The following ABLIM1 variants were observed in gnomAD, a reference collection of about 807,000 sequenced individuals.
ABLIM1 encodes the protein actin-binding LIM protein 1.
In ABLIM1, 40 loss-of-function variants were observed where a neutral mutation model predicts 107.0. The observed-to-expected ratio is 0.37, with a 90% CI of 0.29 to 0.49. The LOEUF (loss-of-function observed/expected upper bound fraction) is 0.49, where lower values mean the gene tolerates loss of function less well. Ranked by LOEUF, ABLIM1 falls within the 20% of genes least tolerant of loss-of-function variation. The pLI is 0.97. For missense variants in ABLIM1, 857 were observed against 1,008.5 expected, an observed-to-expected ratio of 0.85 and a Z score of 2.04; for synonymous variants, 357 against 357.3, an observed-to-expected ratio of 1.00 and a Z score of 0.01.
intron 1 of ABLIM1, among the ~76,000 whole-genome samples, chr10:114,611,984 G>C (rs1229059826): frequency 6.6e-6 from 1 of 152,128 alleles, no homozygotes; most frequent in East Asian, 1.9e-4. Flanking sequence ...TCCCAGTCCT[G>C]CCTTTCCTGA....
chr10:114,762,816 C>T (rs2082779445), intron 1 of ABLIM1, among the ~76,000 whole-genome samples: 1 of 152,188 alleles, frequency 6.6e-6, no homozygotes, highest in South Asian at 2.1e-4. Flanking sequence ...TGTATCATGG[C>T]CATCCCTCCA....
At chr10:114,715,464 A>C (rs560029635) in intron 1 of ABLIM1, among the ~76,000 whole-genome samples, 3 of 152,324 alleles carry the variant, frequency 2.0e-5, no homozygotes, top group African/African-American at 4.8e-5. Flanking sequence ...AAACCAAACA[A>C]AAACAAATTA....
chr10:114,786,666 G>T, the ABLIM1 span, among the ~76,000 whole-genome samples: 1 of 152,202 alleles, frequency 6.6e-6, no homozygotes, highest in African/African-American at 2.4e-5. Context: ...CACTGACCAT[G>T]TATCATCATC....
intron 4 of ABLIM1, among the ~76,000 whole-genome samples, chr10:114,555,471 T>A (rs2068607552): frequency 6.6e-6 from 1 of 152,202 alleles, no homozygotes; most frequent in African/African-American, 2.4e-5. Context: ...GCTCTCACTT[T>A]AAATCTCCGA....
At chr10:114,718,142 GAA>G (rs371409966) in intron 1 of ABLIM1, among the ~76,000 whole-genome samples, 3 of 62,252 alleles carry the variant, frequency 4.8e-5, no homozygotes, top group Non-Finnish European at 1.6e-4. Context: ...AAGAAAGAAA[GAA>G]AGAGAAAAAA....
At chr10:114,560,906 G>A (rs961433099) in intron 4 of ABLIM1, among the ~76,000 whole-genome samples, 1 of 152,152 alleles carries the variant, frequency 6.6e-6, no homozygotes, top group Admixed American at 6.5e-5. Flanking sequence ...ACTGCCTAAT[G>A]GGTACAGGAA....
intron 6 of ABLIM1, among the ~76,000 whole-genome samples, chr10:114,506,013 C>T (rs1339585855): frequency 6.6e-6 from 1 of 152,202 alleles, no homozygotes; most frequent in Non-Finnish European, 1.5e-5. Flanking sequence ...CCCACTTCCC[C>T]TGTCACCATC....
rs567699486 is a variant in ABLIM1, at chr10:114,528,079, G to C, written c.894+16926C>G. ...TCTCGATCTCTTGACCTTGTGATCCGCCCGCCTCAGCCTCCCAAAGTGCTG... is the reference window on the plus strand; with the variant it reads ...TCTCGATCTCTTGACCTTGTGATCCCCCCGCCTCAGCCTCCCAAAGTGCTG... On this transcript the variant is annotated intron_variant, in intron 6 of 22. Transcript: ENST00000533213. Among the ~76,000 whole-genome samples, 1,058 of 151,740 alleles carry C rather than the reference G, an allele frequency of 7.0e-3. 13 individuals carry two copies. Among genetic ancestry groups the C allele is most frequent in the African/African-American group, 0.024 (1,008 of 41,364 alleles).
chr10:114,746,537 C>A (rs2082389595), intron 1 of ABLIM1, among the ~76,000 whole-genome samples: 1 of 152,190 alleles, frequency 6.6e-6, no homozygotes, highest in African/African-American at 2.4e-5. Context: ...AATAGTGCAG[C>A]AATGATCATG....
chr10:114,473,931 A>C lies in ABLIM1; in HGVS notation c.1067T>G (p.Ile356Ser), dbSNP rs1401371685. The stretch of plus-strand genomic sequence containing the variant: ...AATACTGGAGCCTGGCCTAGAATAA[A>C]TACTTTCCGAGGATGTCCTGGTAGG... ...LRPTRTSSES[I>S]YSRPGSSIPG... is the part of the protein sequence containing the mutation. The change falls in exon 9 of 23, where the codon ATT becomes AGT. Residue 356 changes from isoleucine (I) to serine (S), a missense_variant. By Grantham distance (142) the Ile-to-Ser change is moderately radical. Around this residue, in one of 5 missense-constraint regions of ABLIM1, gnomAD observed 381 missense variants for 506.9 expected, o/e 0.75. Transcript: ENST00000533213. 1 of 1,613,786 alleles carries C rather than the reference A, an allele frequency of 6.2e-7. No individual in the cohort carries two copies. Among genetic ancestry groups the C allele is most frequent in the African/African-American group, 1.3e-5 (1 of 74,940 alleles).
intron 1 of ABLIM1, among the ~76,000 whole-genome samples, chr10:114,668,304 T>A (rs950337443): frequency 1.4e-4 from 21 of 152,016 alleles, no homozygotes; most frequent in African/African-American, 5.1e-4. Flanking sequence ...GACAGGGATA[T>A]TAGTAGATAA....
intron 1 of ABLIM1, among the ~76,000 whole-genome samples, chr10:114,692,869 A>G (rs140036924): frequency 2.4e-3 from 361 of 152,328 alleles, no homozygotes; most frequent in African/African-American, 8.0e-3. Flanking sequence ...CTGCCTGGGC[A>G]ACAGAGCAAG....
rs115836257 is a variant in ABLIM1, at chr10:114,726,651, G to A, written c.-213+41410C>T. Among the ~76,000 whole-genome samples, 929 of 152,160 alleles carry A rather than the reference G, an allele frequency of 6.1e-3. 7 individuals carry two copies. Among genetic ancestry groups the A allele is most frequent in the African/African-American group, 0.021 (892 of 41,502 alleles). On this transcript the variant is annotated intron_variant, in intron 1 of 15. Transcript: ENST00000651092. ...CAAAAAATTAGCTGAGCGTGGTGGC[G>A]GGCAACTGTAATTCCAGCTATTCGG...
At chr10:114,720,306 C>T (rs1213905450) in intron 1 of ABLIM1, among the ~76,000 whole-genome samples, 1 of 152,138 alleles carries the variant, frequency 6.6e-6, no homozygotes, top group Non-Finnish European at 1.5e-5. Context: ...CATGTCTTTG[C>T]TATTGTGGAT....
At chr10:114,660,015 C>T (rs920069353), upstream of ABLIM1, among the ~76,000 whole-genome samples, 4 of 152,138 alleles carry the variant, frequency 2.6e-5, no homozygotes, top group Admixed American at 6.6e-5. Flanking sequence ...TTATTCTATG[C>T]CAATGTGAAG....
At position 114,588,433 on chromosome 10, in the gene ABLIM1, G is replaced by A. The variant is rs148896208; in HGVS notation, c.380-12834C>T. ...GCCATGATCAGAGAACCTTTATCTA[G>A]ATGGAACGGAACAGGTAGCTGAAAT... On this transcript the variant is annotated intron_variant, in intron 2 of 22. Transcript: ENST00000533213. Among the ~76,000 whole-genome samples, 27 of 150,172 alleles carry A rather than the reference G, an allele frequency of 1.8e-4. No individual in the cohort carries two copies. The East Asian group carries it at 5.2e-3, about 29-fold the overall frequency.
chr10:114,724,548 T>C (rs1371077805), intron 1 of ABLIM1, among the ~76,000 whole-genome samples: 2 of 152,084 alleles, frequency 1.3e-5, no homozygotes, highest in Non-Finnish European at 2.9e-5. Flanking sequence ...CCCAACCTGC[T>C]CTCTCCCTCA....
chr10:114,726,633 T>G (rs2081965669), intron 1 of ABLIM1, among the ~76,000 whole-genome samples: 1 of 151,924 alleles, frequency 6.6e-6, no homozygotes, highest in Non-Finnish European at 1.5e-5. Context: ...ATACAAAAAA[T>G]TAGCTGAGCG....
intron 6 of ABLIM1, among the ~76,000 whole-genome samples, chr10:114,534,974 G>A (rs752629548): frequency 3.9e-5 from 6 of 152,232 alleles, no homozygotes; most frequent in Non-Finnish European, 8.8e-5. Context: ...GAAAGTAAGA[G>A]AAAGTGGCCA....
Sources: allele counts gnomAD v4.1 joint callset (sites outside exome capture counted in the v4.1 genomes callset), GRCh38; gene constraint gnomAD v4.1.1; regional missense constraint gnomAD v4.1.1; transcripts MANE v1.5; gene names NCBI Gene and HGNC (gene_info 2026-07-23, HGNC 2026-07-21).